PTPRF: variants seen among roughly 807,000 people sequenced by gnomAD.
The protein encoded by PTPRF is receptor-type tyrosine-protein phosphatase F.
Under a neutral mutation model 201.8 loss-of-function variants are expected in PTPRF, and 59 were observed. The observed-to-expected ratio is 0.29, with a 90% confidence interval of 0.24 to 0.36. The LOEUF (loss-of-function observed/expected upper bound fraction) is 0.36, where lower values mean the gene tolerates loss of function less well. Ranked by LOEUF, PTPRF falls within the 10% of genes least tolerant of loss-of-function variation. PTPRF has a pLI of 1.00. For synonymous variants in PTPRF, 1,088 were observed against 1,089.7 expected (o/e 1.00, Z 0.03); for missense variants, 2,132 against 2,690.5 (o/e 0.79, Z 4.59).
upstream of PTPRF, chr1:43,528,789 G>C (rs1247842454): frequency 6.6e-6 from 1 of 152,244 alleles, no homozygotes; most frequent in East Asian, 1.9e-4. Flanking sequence ...GGACAGAGGA[G>C]GCTCTTAGTT....
In PTPRF at chr1:43,533,769, C is replaced by G. The variant is rs1021180180; in HGVS notation, c.-126+2679C>G. ...TCCAGCTTGCAGTCAGGGCCCTACC[C>G]TCGAGAAGCTCGTGGTCCTTGGGGG... is the stretch of plus-strand genomic sequence containing the variant. On this transcript the variant is annotated intron_variant, in intron 1 of 33. Coordinates refer to ENST00000359947, the MANE Select transcript of PTPRF (RefSeq NM_002840.5). Among the ~76,000 whole-genome samples the G allele has an allele frequency of 2.6e-5, 4 of 152,198 alleles. No individual in the cohort carries two copies. In the South Asian group the frequency reaches 8.3e-4, roughly 32 times the overall value.
intron 23 of PTPRF, among the ~76,000 whole-genome samples, chr1:43,616,967 G>A (rs959971736): frequency 3.3e-5 from 5 of 152,178 alleles, no homozygotes; most frequent in Non-Finnish European, 5.9e-5. Flanking sequence ...GCAGCTGAAA[G>A]GAAGAGAGCC....
intron 7 of PTPRF, among the ~76,000 whole-genome samples, chr1:43,587,232 G>A (rs771648981): frequency 1.3e-5 from 2 of 152,196 alleles, no homozygotes; most frequent in Non-Finnish European, 2.9e-5. Context: ...TCAGATTTGT[G>A]CCAGCTGTTT....
chr1:43,602,122 G>T, intron 14 of PTPRF, 25 bp downstream of exon 14: 1 of 1,609,222 alleles, frequency 6.2e-7, no homozygotes, highest in Middle Eastern at 1.7e-4. Context: ...TGCGAACGCG[G>T]ACAAGACATG....
In PTPRF at chr1:43,621,000, TG is replaced by T; in HGVS notation, c.5519+10del. On this transcript the variant is annotated intron_variant, in intron 32 of 33. Transcript: ENST00000359947. ...TATCACGGTGCACTGCAGGTGGGAC[TG>T]GCCCCCTGGAGGGCTGGGGTGGGTG... 2 of 1,611,372 alleles carry T rather than the reference TG, an allele frequency of 1.2e-6. No individual in the cohort carries two copies. The highest frequency in any genetic ancestry group is 1.7e-6 in the Non-Finnish European group (2 of 1,178,240).
chr1:43,592,353 G>A, intron 10 of PTPRF, 104 bp from the exon 11 acceptor site: 5 of 1,382,480 alleles, frequency 3.6e-6, no homozygotes, highest in Non-Finnish European at 4.9e-6. Flanking sequence ...CAGTCCTGGA[G>A]CCGTGGTGGG....
chr1:43,587,939 G>A (rs185159755), intron 7 of PTPRF, among the ~76,000 whole-genome samples: 73 of 150,612 alleles, frequency 4.8e-4, no homozygotes, highest in African/African-American at 1.7e-3. Context: ...GCTGGAGGTC[G>A]TGGCCAGGCA....
chr1:43,532,799 C>T (rs1643725052), intron 1 of PTPRF, among the ~76,000 whole-genome samples: 1 of 152,020 alleles, frequency 6.6e-6, no homozygotes, highest in African/African-American at 2.4e-5. Context: ...GTACAACCCC[C>T]TACATTCTCA....
chr1:43,539,563 G>T lies in PTPRF; in HGVS notation c.-46+1286G>T, dbSNP rs577370674. On this transcript the variant is annotated intron_variant, in intron 2 of 33. Coordinates refer to ENST00000359947, the MANE Select transcript of PTPRF (RefSeq NM_002840.5). ...TAGGGGAAGGAAATGTGTATGTCCT[G>T]GGTGTCTCCTGGGGTCCAGACCCTA... 6.2e-4 allele frequency among the ~76,000 whole-genome samples: 95 copies of T among 152,320 alleles called. 2 individuals are homozygous for T. The South Asian group carries it at 0.02, about 32-fold the overall frequency.
In PTPRF at chr1:43,617,930, G is replaced by A; in HGVS notation, c.4371+19G>A. 6.3e-7 allele frequency: 1 copy of A among 1,590,962 alleles called. No homozygotes were observed. The highest frequency in any genetic ancestry group is 8.6e-7 in the Non-Finnish European group (1 of 1,163,936). ...GTCCCGGGTGAGGCTGCAGGGCCCT[G>A]CCAGGAGGCGGGTGGGAAATGCCCA... On this transcript the variant is annotated intron_variant, in intron 25 of 33. Coordinates refer to ENST00000359947, the MANE Select transcript of PTPRF (RefSeq NM_002840.5).
At chr1:43,613,268 G>C in intron 22 of PTPRF, 1 of 332,508 alleles carries the variant, frequency 3.0e-6, no homozygotes, top group Non-Finnish European at 5.8e-6. Context: ...AGATGCGATG[G>C]AGCCCAGCTC....
intron 7 of PTPRF, among the ~76,000 whole-genome samples, chr1:43,585,544 C>T (rs571490436): frequency 3.3e-5 from 5 of 152,124 alleles, no homozygotes; most frequent in Non-Finnish European, 7.4e-5. Flanking sequence ...TGACCTCTCA[C>T]ACTTATGCCT....
Position 43,588,707 on chromosome 1 carries a change from G to C in PTPRF, c.680-24G>C, listed in dbSNP as rs1414393832. The C allele has an allele frequency of 6.2e-7, 1 of 1,610,440 alleles. No individual in the cohort carries two copies. Among genetic ancestry groups the C allele is most frequent in the Non-Finnish European group, 8.5e-7 (1 of 1,179,374 alleles). ...GTCGTGTGTCCTGCCCGGCCTGTGA[G>C]TGCCTCTCTCCCTCCTCCTGCAGTG... On this transcript the variant is annotated intron_variant, in intron 7 of 33. Transcript: ENST00000359947. The surrounding 1 kb of genome is among the most constrained non-coding windows in gnomAD (Gnocchi z 5.3).
At chr1:43,602,763 C>T (rs1439565649) in intron 14 of PTPRF, among the ~76,000 whole-genome samples, 2 of 152,188 alleles carry the variant, frequency 1.3e-5, no homozygotes, top group Non-Finnish European at 2.9e-5. Context: ...GAGGACATTG[C>T]CCTGGCTGCT....
intron 7 of PTPRF, among the ~76,000 whole-genome samples, chr1:43,582,183 T>C (rs1647851807): frequency 6.6e-6 from 1 of 152,210 alleles, no homozygotes; most frequent in South Asian, 2.1e-4. Flanking sequence ...ACGCGACTGC[T>C]ACATTTAATG....
At chr1:43,599,825 G>GC (rs1257365907) in intron 13 of PTPRF, among the ~76,000 whole-genome samples, 3 of 152,150 alleles carry the variant, frequency 2.0e-5, no homozygotes, top group African/African-American at 7.2e-5. Flanking sequence ...CTAGGAAAGG[G>GC]CCACAGTTGC....
At chr1:43,549,830 C>A (rs1006843390) in intron 3 of PTPRF, among the ~76,000 whole-genome samples, 2 of 151,600 alleles carry the variant, frequency 1.3e-5, no homozygotes, top group Non-Finnish European at 2.9e-5. Flanking sequence ...CACTTGTACT[C>A]CAACCTGGGT....
chr1:43,600,822 CT>C (rs1653574145), intron 13 of PTPRF, among the ~76,000 whole-genome samples: 1 of 152,134 alleles, frequency 6.6e-6, no homozygotes, highest in Non-Finnish European at 1.5e-5. Flanking sequence ...CCTCCTCCCC[CT>C]GCCATTCCTC....
At chr1:43,570,758 C>T (rs908028925) in intron 6 of PTPRF, among the ~76,000 whole-genome samples, 3 of 152,244 alleles carry the variant, frequency 2.0e-5, no homozygotes, top group Admixed American at 6.5e-5. Context: ...AGATTCTGGC[C>T]CCAGCCACGG....
Sources: gnomAD v4.1 joint callset for allele counts (sites outside exome capture counted in the v4.1 genomes callset) on GRCh38, gnomAD v4.1.1 for gene constraint, Gnocchi (gnomAD v3.1) non-coding constraint, MANE v1.5 for transcripts, NCBI Gene and HGNC (gene_info 2026-07-23, HGNC 2026-07-21) for gene names.